Variants in PAX7 observed in about 807,000 individuals in gnomAD.
PAX7 encodes paired box protein Pax-7.
In PAX7, 18 loss-of-function variants were observed where a neutral mutation model predicts 50.7. The observed-to-expected ratio is 0.36, with a 90% confidence interval of 0.25 to 0.53. The LOEUF is 0.53. PAX7 is among the 20% of genes least tolerant of loss of function. PAX7 has a pLI of 0.93. For missense variants in PAX7, 644 were observed against 702.9 expected (o/e 0.92, Z 0.95); for synonymous variants, 310 against 290.4 (o/e 1.07, Z -0.69).
chr1:18,703,481 A>T (rs1380669469), intron 7 of PAX7, among the ~76,000 whole-genome samples, 185 bp downstream of exon 7: 2 of 152,248 alleles, frequency 1.3e-5, no homozygotes, highest in African/African-American at 4.8e-5. Context: ...ACCAGGAGTG[A>T]CCAATTCCTG....
At chr1:18,705,695 G>C (rs1411642751) in intron 7 of PAX7, among the ~76,000 whole-genome samples, 1 of 152,204 alleles carries the variant, frequency 6.6e-6, no homozygotes, top group African/African-American at 2.4e-5. Flanking sequence ...GTGGATCAAG[G>C]GGAAGTATCT....
intron 4 of PAX7, among the ~76,000 whole-genome samples, chr1:18,645,285 G>C (rs2088320489): frequency 6.6e-6 from 1 of 152,274 alleles, no homozygotes; most frequent in African/African-American, 2.4e-5. Context: ...GGGAGAGGCG[G>C]AGGGAGGAGC....
At chr1:18,711,247 T>C (rs189525574) in intron 7 of PAX7, among the ~76,000 whole-genome samples, 197 of 152,308 alleles carry the variant, frequency 1.3e-3, no homozygotes, top group African/African-American at 4.6e-3. Context: ...GGGCTTCCTT[T>C]TCCTCATCGG....
intron 4 of PAX7, among the ~76,000 whole-genome samples, chr1:18,649,424 C>T (rs72937288): frequency 0.052 from 7,947 of 152,080 alleles, 400 homozygotes; most frequent in African/African-American, 0.13. Flanking sequence ...AGGAGGGTCC[C>T]CTTCTAACAG....
intron 7 of PAX7, among the ~76,000 whole-genome samples, chr1:18,714,156 G>A (rs530745603): frequency 1.7e-3 from 260 of 152,088 alleles, no homozygotes; most frequent in Non-Finnish European, 2.7e-3. Flanking sequence ...GCAGTGAGCC[G>A]AGATCTAGTC....
intron 7 of PAX7, among the ~76,000 whole-genome samples, chr1:18,732,155 C>T (rs1211508130): frequency 6.6e-6 from 1 of 152,140 alleles, no homozygotes; most frequent in African/African-American, 2.4e-5. Context: ...GCCTGACTGC[C>T]CCACATAGCC....
intron 5 of PAX7, among the ~76,000 whole-genome samples, chr1:18,699,564 A>ATTTTTT (rs71027390): frequency 0.012 from 1,708 of 143,760 alleles, 46 homozygotes; most frequent in African/African-American, 0.041. Context: ...AGCCAGACTG[A>ATTTTTT]TTTTTTTTTT....
Position 18,630,979 on chromosome 1 carries a change from C to A in PAX7, c.-625C>A. ...GAGGAGGCTCCTTCTTCCGTCTGTC[C>A]CCGGGTCTCCTAGGGGACGGGGCTG... On this transcript the variant is annotated 5_prime_UTR_variant, in exon 1 of 9. Coordinates refer to ENST00000420770, the MANE Select transcript of PAX7 (RefSeq NM_001135254.2). 3 of 219,398 alleles carry A rather than the reference C, an allele frequency of 1.4e-5. No individual in the cohort carries two copies. Among genetic ancestry groups the A allele is most frequent in the Non-Finnish European group, 2.7e-5 (3 of 109,186 alleles). 13.6% of individuals were successfully genotyped at this position (219,398 alleles called of 1,614,324 possible). A position where few individuals can be genotyped will look rare whatever the true frequency, so the allele number is the denominator to read the frequency against.
intron 4 of PAX7, among the ~76,000 whole-genome samples, chr1:18,654,609 C>T (rs2088484831): frequency 6.6e-6 from 1 of 152,224 alleles, no homozygotes; most frequent in Non-Finnish European, 1.5e-5. Context: ...AAAACCACAA[C>T]AGCGGGTGGG....
At chr1:18,732,690 C>G (rs1272193851) in intron 7 of PAX7, among the ~76,000 whole-genome samples, 1 of 152,186 alleles carries the variant, frequency 6.6e-6, no homozygotes, top group Non-Finnish European at 1.5e-5. Flanking sequence ...GGGAGCCATT[C>G]ATAATTCTTG....
chr1:18,737,838 T>A (rs770276566), intron 8 of PAX7, among the ~76,000 whole-genome samples: 1 of 152,242 alleles, frequency 6.6e-6, no homozygotes, highest in Non-Finnish European at 1.5e-5. Context: ...GGCATAGGTA[T>A]GCATATGTCA....
chr1:18,651,746 C>T (rs891584884), intron 4 of PAX7, among the ~76,000 whole-genome samples: 1 of 151,852 alleles, frequency 6.6e-6, no homozygotes, highest in Non-Finnish European at 1.5e-5. Context: ...GGTGTTTGTC[C>T]TCTCAAAGTT....
chr1:18,663,931 T>C (rs1201463863), intron 4 of PAX7, among the ~76,000 whole-genome samples: 1 of 152,180 alleles, frequency 6.6e-6, no homozygotes, highest in Non-Finnish European at 1.5e-5. Flanking sequence ...GCCACAGTCT[T>C]CCCTTTTCCC....
intron 8 of PAX7, among the ~76,000 whole-genome samples, chr1:18,740,723 T>G (rs1931087509): frequency 6.6e-6 from 1 of 152,154 alleles, no homozygotes; most frequent in African/African-American, 2.4e-5. Context: ...CCATTCACAA[T>G]AGCCAAGACG....
chr1:18,669,266 G>A (rs2088709865), intron 4 of PAX7, among the ~76,000 whole-genome samples: 1 of 152,200 alleles, frequency 6.6e-6, no homozygotes, highest in African/African-American at 2.4e-5. Context: ...ATATTCTGCT[G>A]GCAGCCTCTG....
chr1:18,745,014 C>A lies in PAX7; in HGVS notation c.*85C>A. The A allele has an allele frequency of 6.4e-6, 5 of 781,496 alleles. No individual in the cohort carries two copies. The South Asian group carries it at 6.5e-5, about 10-fold the overall frequency. 48.4% of individuals were successfully genotyped at this position (781,496 alleles called of 1,614,324 possible). ...CTTCCCAGCCTTGCCGCCTCACCCC[C>A]CTGTTGTCCTAGGAGGCCAGGAAAG... is the stretch of plus-strand genomic sequence containing the variant. On this transcript the variant is annotated 3_prime_UTR_variant, in exon 9 of 9. Transcript: ENST00000420770.
At chr1:18,711,262 CAG>C (rs781740237) in intron 7 of PAX7, among the ~76,000 whole-genome samples, 11 of 152,150 alleles carry the variant, frequency 7.2e-5, no homozygotes, top group Non-Finnish European at 1.3e-4. Flanking sequence ...CATCGGAAAA[CAG>C]GGGTAATCAT....
intron 7 of PAX7, among the ~76,000 whole-genome samples, chr1:18,722,850 C>T (rs2089512318): frequency 6.6e-6 from 1 of 152,158 alleles, no homozygotes; most frequent in Admixed American, 6.5e-5. Flanking sequence ...AGTTGTGTCA[C>T]CTCCTTGGGT....
chr1:18,728,544 T>G (rs958808383), intron 7 of PAX7, among the ~76,000 whole-genome samples: 1 of 151,990 alleles, frequency 6.6e-6, no homozygotes, highest in African/African-American at 2.4e-5. Context: ...GGCTGCTCAT[T>G]AGAATCACCC....
Sources: allele counts gnomAD v4.1 joint callset (sites outside exome capture counted in the v4.1 genomes callset), GRCh38; gene constraint gnomAD v4.1.1; transcripts MANE v1.5; gene names NCBI Gene and HGNC (gene_info 2026-07-23, HGNC 2026-07-21).